The following NPAS3 variants were observed in gnomAD, a reference collection of about 807,000 sequenced individuals.
The protein encoded by NPAS3 is neuronal PAS domain-containing protein 3.
Under a neutral mutation model 73.1 loss-of-function variants are expected in NPAS3, and 14 were observed. The observed-to-expected ratio is 0.19, with a 90% CI of 0.13 to 0.30. The LOEUF (loss-of-function observed/expected upper bound fraction) is 0.30. Ranked by LOEUF, NPAS3 falls within the 10% of genes least tolerant of loss-of-function variation. The pLI, the probability that NPAS3 is intolerant of heterozygous loss-of-function variation, is 1.00. For missense variants in NPAS3, 1,096 were observed against 1,250.0 expected, an observed-to-expected ratio of 0.88 and a Z score of 1.86; for synonymous variants, 620 against 541.5, an observed-to-expected ratio of 1.14 and a Z score of -2.01.
chr14:33,183,496 T>G (rs2045879945), intron 2 of NPAS3, among the ~76,000 whole-genome samples: 1 of 146,482 alleles, frequency 6.8e-6, no homozygotes, highest in African/African-American at 2.5e-5. Context: ...TCTTGCTCTG[T>G]GTTCTCTGTG....
rs535865578 is a variant in NPAS3 at position 33,406,078 on chromosome 14, G to A, written c.468+38810G>A. Among the ~76,000 whole-genome samples the A allele has an allele frequency of 3.3e-5, 5 of 152,090 alleles. No individual in the cohort carries two copies. The South Asian group carries it at 1.0e-3, about 32-fold the overall frequency. ...TGAAGAAGAAAAACATTTTTCAAAA[G>A]CAAATCATCTCAAACTGAAAAAAAA... On this transcript the variant is annotated intron_variant, in intron 4 of 11. Coordinates refer to ENST00000356141, the Ensembl canonical transcript of NPAS3.
chr14:33,187,558 C>T (rs2046023798), intron 2 of NPAS3, among the ~76,000 whole-genome samples: 1 of 152,018 alleles, frequency 6.6e-6, no homozygotes, highest in African/African-American at 2.4e-5. Flanking sequence ...TCTGCCAGGT[C>T]TGGTGATGCC....
At position 33,544,791 on chromosome 14, in the gene NPAS3, T is replaced by TATATATATATATATATATAC. The variant is rs1555409908; in HGVS notation, c.469-15311_469-15310insCATATATATATATATATATA. ...TGTATGTGTTTATGTGTGTGTATTATATATATATATATATATATATGTATA... is the reference window on the plus strand; with the variant it reads ...TGTATGTGTTTATGTGTGTGTATTATATATATATATATATATATACATATATATATATATATATATGTATA... On this transcript the variant is annotated intron_variant, in intron 4 of 11. Transcript: ENST00000356141. Among the ~76,000 whole-genome samples, 49 of 83,340 alleles carry TATATATATATATATATATAC rather than the reference T, an allele frequency of 5.9e-4. 2 individuals carry two copies. Among genetic ancestry groups the TATATATATATATATATATAC allele is most frequent in the African/African-American group, 3.1e-3 (47 of 14,970 alleles). 54.7% of individuals were successfully genotyped at this position (83,340 alleles called of 152,430 possible).
At chr14:33,660,374 C>T (rs1219491044) in intron 5 of NPAS3, among the ~76,000 whole-genome samples, 1 of 152,148 alleles carries the variant, frequency 6.6e-6, no homozygotes, top group Non-Finnish European at 1.5e-5. Context: ...CCTGAGGCTT[C>T]CTTGTTCTTT....
chr14:32,939,445 T>C, intron 1 of NPAS3, 79 bp downstream of exon 1: 1 of 409,276 alleles, frequency 2.4e-6, no homozygotes, highest in Non-Finnish European at 4.4e-6. Flanking sequence ...AGGGCCCCTC[T>C]CCGCAGCCCG....
chr14:33,680,104 G>A (rs1427685857), intron 6 of NPAS3, among the ~76,000 whole-genome samples: 3 of 152,136 alleles, frequency 2.0e-5, no homozygotes, highest in Non-Finnish European at 4.4e-5. Context: ...GGCATTTGGA[G>A]GGTTTTCTTT....
At chr14:33,698,662 T>C (rs1047100355) in intron 6 of NPAS3, among the ~76,000 whole-genome samples, 1 of 152,208 alleles carries the variant, frequency 6.6e-6, no homozygotes. Context: ...TAAAAGCCCC[T>C]GACATACTTC....
rs187857168 is a variant in NPAS3 at position 33,586,237 on chromosome 14, A to C, written c.558+26027A>C. ...AACAATCTTTACTTTCCAAGCAATC[A>C]GATGTTTTATTGACTGTTTCATAGC... On this transcript the variant is annotated intron_variant, in intron 5 of 11. Transcript: ENST00000356141. Among the ~76,000 whole-genome samples, 198 of 151,518 alleles carry C rather than the reference A, an allele frequency of 1.3e-3. 3 individuals are homozygous for C. The highest frequency in any genetic ancestry group is 4.5e-3 in the African/African-American group (187 of 41,214).
In NPAS3 at chr14:33,544,815, T is replaced by TA. The variant is rs1333941650; in HGVS notation, c.469-15305dup. Among the ~76,000 whole-genome samples the TA allele has an allele frequency of 7.6e-5, 8 of 105,584 alleles. 1 individual carries two copies. The highest frequency in any genetic ancestry group is 3.5e-4 in the African/African-American group (7 of 19,818). The allele number at this position is 105,584 out of a possible 152,430, so 69.3% of individuals were successfully genotyped here. A position where few individuals can be genotyped will look rare whatever the true frequency, so the allele number is the denominator to read the frequency against. Reference sequence around the variant, plus strand: ...ATATATATATATATATATATATGTATATATAATATATATGTGTATATATAT... The same window carrying TA: ...ATATATATATATATATATATATGTATAATATAATATATATGTGTATATATAT... On this transcript the variant is annotated intron_variant, in intron 4 of 11. Coordinates refer to ENST00000356141, the Ensembl canonical transcript of NPAS3.
chr14:33,009,252 A>G (rs896657524), intron 1 of NPAS3, among the ~76,000 whole-genome samples: 2 of 152,206 alleles, frequency 1.3e-5, no homozygotes, highest in African/African-American at 4.8e-5. Context: ...GAAGAAATTA[A>G]ATAAAACCAA....
intron 5 of NPAS3, among the ~76,000 whole-genome samples, chr14:33,590,274 G>A (rs2057016825): frequency 6.6e-6 from 1 of 152,134 alleles, no homozygotes; most frequent in Admixed American, 6.5e-5. Context: ...ACCTCCATCT[G>A]TTGGTTTTTA....
At chr14:33,070,952 A>C (rs1007047698) in intron 2 of NPAS3, among the ~76,000 whole-genome samples, 6 of 152,184 alleles carry the variant, frequency 3.9e-5, no homozygotes, top group African/African-American at 9.7e-5. Context: ...TTTTTCTAAT[A>C]AGGAACTTAG....
At chr14:33,016,807 T>A (rs2039414189) in intron 1 of NPAS3, among the ~76,000 whole-genome samples, 1 of 152,156 alleles carries the variant, frequency 6.6e-6, no homozygotes, top group Non-Finnish European at 1.5e-5. Flanking sequence ...CTGTGTCATC[T>A]TTGTGTTCCT....
At chr14:33,368,607 G>A (rs1254370021) in intron 4 of NPAS3, among the ~76,000 whole-genome samples, 1 of 152,008 alleles carries the variant, frequency 6.6e-6, no homozygotes, top group Non-Finnish European at 1.5e-5. Context: ...CTTATTTCTT[G>A]TTTATCCATT....
rs187563436 is a variant in NPAS3, at chr14:33,783,284, G to C, written c.1153+4712G>C. On this transcript the variant is annotated intron_variant, in intron 9 of 11. Transcript: ENST00000356141. The stretch of plus-strand genomic sequence containing the variant: ...GGTGGGCCAAATGCAGATAGCACGG[G>C]GGACTTTTTTCTGTTTTCTGATCTC... 1.2e-3 allele frequency among the ~76,000 whole-genome samples: 181 copies of C among 152,246 alleles called. 1 individual carries two copies. Among genetic ancestry groups the C allele is most frequent in the African/African-American group, 4.1e-3 (172 of 41,546 alleles).
intron 4 of NPAS3, among the ~76,000 whole-genome samples, chr14:33,454,458 T>G (rs752076480): frequency 1.4e-3 from 220 of 152,310 alleles, no homozygotes; most frequent in Non-Finnish European, 2.8e-3. Flanking sequence ...CTAAGATTGC[T>G]GTGAGTATAA....
intron 3 of NPAS3, among the ~76,000 whole-genome samples, chr14:33,329,731 C>G (rs2043892779): frequency 6.6e-6 from 1 of 151,758 alleles, no homozygotes; most frequent in African/African-American, 2.4e-5. Context: ...ATGGAGAAGC[C>G]CTTGTTCTAA....
intron 5 of NPAS3, among the ~76,000 whole-genome samples, chr14:33,671,946 A>T (rs893009428): frequency 8.5e-5 from 13 of 152,240 alleles, no homozygotes; most frequent in African/African-American, 2.9e-4. Flanking sequence ...CCATTAGATC[A>T]TAATTAAGGA....
chr14:33,521,618 C>T (rs191004883), intron 4 of NPAS3, among the ~76,000 whole-genome samples: 4 of 151,398 alleles, frequency 2.6e-5, no homozygotes, highest in East Asian at 1.9e-4. Context: ...CATTTCTATT[C>T]GTAGCATCGA....
Sources: allele counts gnomAD v4.1 joint callset (sites outside exome capture counted in the v4.1 genomes callset), GRCh38; gene constraint gnomAD v4.1.1; transcripts MANE v1.5; gene names NCBI Gene and HGNC (gene_info 2026-07-23, HGNC 2026-07-21).